GLIS3: variants seen among roughly 807,000 people sequenced by gnomAD.
GLIS3 encodes the protein zinc finger protein GLIS3.
Under a neutral mutation model 78.6 loss-of-function variants are expected in GLIS3, and 53 were observed. The ratio of observed to expected loss-of-function variants is 0.67; its 90% CI spans 0.54 to 0.85. The LOEUF is 0.85. Among genes scored for constraint, GLIS3 ranks in the 40% least tolerant of loss-of-function variants. The pLI, the probability that GLIS3 is intolerant of heterozygous loss-of-function variation, is 0.00. For synonymous variants in GLIS3, 684 were observed against 509.9 expected (o/e 1.34, Z -4.60); for missense variants, 1,703 against 1,231.1 (o/e 1.38, Z -5.74).
At chr9:4,143,170 A>C (rs1833936332) in intron 2 of GLIS3, among the ~76,000 whole-genome samples, 1 of 152,164 alleles carries the variant, frequency 6.6e-6, no homozygotes, top group African/African-American at 2.4e-5. Context: ...ACTGTGAAAC[A>C]ATTACCACAA....
chr9:4,246,623 A>G (rs1470778537), intron 2 of GLIS3, among the ~76,000 whole-genome samples: 1 of 152,200 alleles, frequency 6.6e-6, no homozygotes, highest in African/African-American at 2.4e-5. Flanking sequence ...ACTGGAGTTC[A>G]GTATCCCCAC....
chr9:3,897,036 CAT>C (rs1822896540), intron 7 of GLIS3, among the ~76,000 whole-genome samples: 1 of 152,160 alleles, frequency 6.6e-6, no homozygotes, highest in Admixed American at 6.5e-5. Context: ...CACTACCAGA[CAT>C]ATAAAAACAG....
At chr9:4,407,569 C>G in the GLIS3 span, among the ~76,000 whole-genome samples, 1 of 152,206 alleles carries the variant, frequency 6.6e-6, no homozygotes, top group African/African-American at 2.4e-5. Flanking sequence ...ATGGCGAGAA[C>G]CCGGGAGGCG....
At chr9:4,426,950 C>G in the GLIS3 span, among the ~76,000 whole-genome samples, 1 of 152,322 alleles carries the variant, frequency 6.6e-6, no homozygotes, top group Non-Finnish European at 1.5e-5. Context: ...ACACCCATTA[C>G]AGTTAAACTG....
chr9:4,026,340 T>C (rs1201978817), intron 4 of GLIS3, among the ~76,000 whole-genome samples: 5 of 152,362 alleles, frequency 3.3e-5, no homozygotes, highest in Admixed American at 1.3e-4. Flanking sequence ...ACAAATTATT[T>C]TTATCATTGT....
chr9:4,121,417 T>C (rs946213195), intron 3 of GLIS3, among the ~76,000 whole-genome samples: 2 of 152,306 alleles, frequency 1.3e-5, no homozygotes, highest in East Asian at 1.9e-4. Context: ...GTAAGATACA[T>C]ACTAAGTACT....
At chr9:3,989,068 A>C (rs80319695) in intron 4 of GLIS3, among the ~76,000 whole-genome samples, 6,874 of 152,284 alleles carry the variant, frequency 0.045, 311 homozygotes, top group African/African-American at 0.11. Flanking sequence ...TAGTAATAAA[A>C]CAAGCAATCC....
At chr9:4,077,630 T>A (rs1828188620) in intron 4 of GLIS3, among the ~76,000 whole-genome samples, 1 of 152,188 alleles carries the variant, frequency 6.6e-6, no homozygotes, top group African/African-American at 2.4e-5. Context: ...TTTGAGACAC[T>A]GGAAATCTAC....
chr9:4,480,093 A>G, the GLIS3 span, among the ~76,000 whole-genome samples: 3 of 148,466 alleles, frequency 2.0e-5, no homozygotes, highest in Admixed American at 1.3e-4. Flanking sequence ...CTGATTCCCT[A>G]TGTTTTCACC....
intron 2 of GLIS3, among the ~76,000 whole-genome samples, chr9:4,271,607 G>A (rs1446644446): frequency 6.6e-6 from 1 of 152,150 alleles, no homozygotes; most frequent in African/African-American, 2.4e-5. Context: ...ATATCTGGCT[G>A]TACACCCTCC....
chr9:3,836,237 A>G (rs1380532110), intron 9 of GLIS3, among the ~76,000 whole-genome samples: 1 of 152,236 alleles, frequency 6.6e-6, no homozygotes, highest in Admixed American at 6.5e-5. Flanking sequence ...TCAGCGGCAG[A>G]GGCAGAATTG....
intron 2 of GLIS3, among the ~76,000 whole-genome samples, chr9:4,167,509 G>A (rs1238585689): frequency 2.0e-5 from 3 of 152,192 alleles, no homozygotes; most frequent in Non-Finnish European, 4.4e-5. Flanking sequence ...AGAGAGGACA[G>A]TGTCTTACCC....
At chr9:3,994,257 C>A (rs950573422) in intron 4 of GLIS3, among the ~76,000 whole-genome samples, 1 of 152,148 alleles carries the variant, frequency 6.6e-6, no homozygotes, top group Non-Finnish European at 1.5e-5. Flanking sequence ...GTCTCATTAC[C>A]CTTTACATTG....
intron 4 of GLIS3, among the ~76,000 whole-genome samples, chr9:3,991,824 G>T (rs1007397468): frequency 6.6e-6 from 1 of 151,760 alleles, no homozygotes; most frequent in Non-Finnish European, 1.5e-5. Context: ...CCGAGTAGCT[G>T]GGACTACAGG....
At chr9:4,436,810 C>CAAAAAAAAAAAAAAA in the GLIS3 span, among the ~76,000 whole-genome samples, 1 of 53,574 alleles carries the variant, frequency 1.9e-5, no homozygotes, top group Admixed American at 2.8e-4. Context: ...GACTGCATCT[C>CAAAAAAAAAAAAAAA]AAAAAAAAAA....
At chr9:3,965,791 C>T (rs1245517747) in intron 4 of GLIS3, among the ~76,000 whole-genome samples, 1 of 152,200 alleles carries the variant, frequency 6.6e-6, no homozygotes, top group South Asian at 2.1e-4. Context: ...TGGCCACCAA[C>T]TCCTCCTCTC....
chr9:4,312,408 C>A (rs568978268), intron 2 of GLIS3, among the ~76,000 whole-genome samples: 2 of 152,254 alleles, frequency 1.3e-5, no homozygotes, highest in African/African-American at 4.8e-5. Flanking sequence ...TGGGAGGTTG[C>A]AGTAAGCTGA....
At chr9:3,884,852 C>G (rs1475630211) in intron 7 of GLIS3, among the ~76,000 whole-genome samples, 1 of 152,024 alleles carries the variant, frequency 6.6e-6, no homozygotes, top group Non-Finnish European at 1.5e-5. Context: ...ATATTGCCTC[C>G]CAAAGGCAAG....
chr9:4,275,629 G>A (rs1028074492), intron 2 of GLIS3, among the ~76,000 whole-genome samples: 1 of 151,364 alleles, frequency 6.6e-6, no homozygotes. Flanking sequence ...CAGGTGTGGT[G>A]ATACACCCCT....
Sources: allele counts gnomAD v4.1 joint callset (sites outside exome capture counted in the v4.1 genomes callset), GRCh38; gene constraint gnomAD v4.1.1; transcripts MANE v1.5; gene names NCBI Gene and HGNC (gene_info 2026-07-23, HGNC 2026-07-21).